The following TAS1R2 variants were observed in gnomAD, a reference collection of about 807,000 sequenced individuals.
The protein encoded by TAS1R2 is taste 1 receptor member 2.
A neutral mutation model predicts 49.3 loss-of-function variants in TAS1R2; 47 were observed. The observed-to-expected ratio is 0.95, with a 90% CI of 0.75 to 1.22. TAS1R2 has a LOEUF of 1.22. Ranked by LOEUF, TAS1R2 falls within the 50% of genes most tolerant of loss-of-function variation. The probability of loss-of-function intolerance (pLI) is 0.00; values close to 1 mark genes in which losing one functional copy is unlikely to be tolerated. For missense variants in TAS1R2, 1,155 were observed against 1,122.1 expected (o/e 1.03, Z -0.42); for synonymous variants, 479 against 467.9 (o/e 1.02, Z -0.31).
chr1:18,858,700 C>T (rs1440819930), intron 1 of TAS1R2, among the ~76,000 whole-genome samples: 1 of 152,174 alleles, frequency 6.6e-6, no homozygotes, highest in Non-Finnish European at 1.5e-5. Context: ...ACAACTATCA[C>T]CATCATTATA....
At chr1:18,848,232 G>T (rs965196315) in intron 4 of TAS1R2, among the ~76,000 whole-genome samples, 2 of 152,068 alleles carry the variant, frequency 1.3e-5, no homozygotes, top group African/African-American at 4.8e-5. Flanking sequence ...GCCTCAGACA[G>T]GTCACACAAC....
chr1:18,854,144 C>T lies in TAS1R2; in HGVS notation c.1257+69G>A. 6.8e-7 allele frequency: 1 copy of T among 1,474,998 alleles called. No individual in the cohort carries two copies. The highest frequency in any genetic ancestry group is 9.2e-7 in the Non-Finnish European group (1 of 1,082,084). The allele number at this position is 1,474,998 out of a possible 1,614,324, so 91.4% of individuals were successfully genotyped here. Reference sequence around the variant, plus strand: ...TGGGATACTCATGCCCTTTCACACCCATTTGCCCAGAACCCCAGGGGAGGA... The same window carrying T: ...TGGGATACTCATGCCCTTTCACACCTATTTGCCCAGAACCCCAGGGGAGGA... On this transcript the variant is annotated intron_variant, in intron 3 of 5. Transcript: ENST00000375371. This position sits in a 1 kb window ranked among gnomAD's most constrained non-coding sequence, Gnocchi z 4.9.
exon 2 of TAS1R2, chr1:18,857,453 G>T (rs752096284): frequency 2.5e-6 from 4 of 1,614,068 alleles, no homozygotes; most frequent in Middle Eastern, 3.3e-4. Context: ...ATGGGAAGGA[G>T]GTTGTCCTCG....
chr1:18,852,537 C>T (rs1433338242), intron 3 of TAS1R2, among the ~76,000 whole-genome samples: 2 of 152,236 alleles, frequency 1.3e-5, no homozygotes, highest in African/African-American at 4.8e-5. Flanking sequence ...TTGACTGCAT[C>T]ATCCCCAGCC....
In TAS1R2 at chr1:18,858,918, T is replaced by C. The variant is rs529212298; in HGVS notation, c.182+561A>G. ...CTCTCTGCAAGAGGTCACTCTTTTTTAGTCCCAGGCTGGCTCCATGTCCTT... is the reference window on the plus strand; with the variant it reads ...CTCTCTGCAAGAGGTCACTCTTTTTCAGTCCCAGGCTGGCTCCATGTCCTT... On this transcript the variant is annotated intron_variant, in intron 1 of 5. Coordinates refer to ENST00000375371, the Ensembl canonical transcript of TAS1R2. 2.5e-4 allele frequency among the ~76,000 whole-genome samples: 38 copies of C among 152,326 alleles called. 1 individual carries two copies. In the South Asian group the frequency reaches 6.4e-3, roughly 26 times the overall value.
chr1:18,852,361 A>G (rs138068895), intron 3 of TAS1R2, among the ~76,000 whole-genome samples: 1 of 152,302 alleles, frequency 6.6e-6, no homozygotes, highest in Non-Finnish European at 1.5e-5. Flanking sequence ...TCAGGCCACA[A>G]AGCCATGTGC....
chr1:18,841,222 A>G (rs1933817581), intron 5 of TAS1R2, among the ~76,000 whole-genome samples: 1 of 152,250 alleles, frequency 6.6e-6, no homozygotes, highest in Non-Finnish European at 1.5e-5. Flanking sequence ...TTTATGTTCT[A>G]TAGGGAGAAA....
chr1:18,845,002 A>G (rs1336086693), intron 4 of TAS1R2, among the ~76,000 whole-genome samples: 1 of 152,230 alleles, frequency 6.6e-6, no homozygotes, highest in Non-Finnish European at 1.5e-5. Context: ...ACAATTCTTC[A>G]AAAAGACCAG....
intron 2 of TAS1R2, 55 bp from the exon 3 acceptor site, chr1:18,855,041 C>T (rs947897459): frequency 1.7e-5 from 27 of 1,562,448 alleles, no homozygotes; most frequent in Non-Finnish European, 2.3e-5. Context: ...GCTCTGCCCC[C>T]ACCCCAGGGC....
At chr1:18,856,782 T>G (rs949653610) in intron 2 of TAS1R2, among the ~76,000 whole-genome samples, 1 of 152,198 alleles carries the variant, frequency 6.6e-6, no homozygotes, top group Non-Finnish European at 1.5e-5. Context: ...GTACCAGTAC[T>G]GCACTTGGCA....
At chr1:18,847,964 A>G (rs1933952715) in intron 4 of TAS1R2, among the ~76,000 whole-genome samples, 1 of 152,312 alleles carries the variant, frequency 6.6e-6, no homozygotes, top group Middle Eastern at 3.4e-3. Flanking sequence ...CCCATTTTTA[A>G]AACCTTCAGA....
At chr1:18,840,098 C>G (rs112938926) in exon 6 of TAS1R2, 2 of 1,614,094 alleles carry the variant, frequency 1.2e-6, no homozygotes, top group Non-Finnish European at 1.7e-6. Context: ...CCCCTGGTAG[C>G]GGACCCAGTA....
intron 1 of TAS1R2, chr1:18,858,521 C>T (rs1487988029): frequency 6.6e-6 from 1 of 152,446 alleles, no homozygotes; most frequent in African/African-American, 2.4e-5. Context: ...CTACCAGCAC[C>T]ATCACTGCCA....
chr1:18,853,208 G>A (rs1368186064), intron 3 of TAS1R2, among the ~76,000 whole-genome samples: 1 of 152,168 alleles, frequency 6.6e-6, no homozygotes, highest in African/African-American at 2.4e-5. Flanking sequence ...TATCCTCACA[G>A]GAGGGTCATG....
Position 18,854,202 on chromosome 1 carries a change from C to T in TAS1R2, c.1257+11G>A. 6.2e-7 allele frequency: 1 copy of T among 1,609,800 alleles called. No homozygotes were observed. Among genetic ancestry groups the T allele is most frequent in the Non-Finnish European group, 8.5e-7 (1 of 1,176,930 alleles). On this transcript the variant is annotated intron_variant, in intron 3 of 5. Transcript: ENST00000375371. This position sits in a 1 kb window ranked among gnomAD's most constrained non-coding sequence, Gnocchi z 4.9. ...GGTGCCCTGCAGACTCTATGGCAGCCACCCCCTCACCTGCCAGGGGTAGAC... is the reference window on the plus strand; with the variant it reads ...GGTGCCCTGCAGACTCTATGGCAGCTACCCCCTCACCTGCCAGGGGTAGAC...
intron 4 of TAS1R2, among the ~76,000 whole-genome samples, chr1:18,845,599 C>CTCAT (rs751549213): frequency 1.3e-5 from 2 of 152,222 alleles, no homozygotes; most frequent in Admixed American, 6.5e-5. Flanking sequence ...TTTTGGGTTC[C>CTCAT]TCATGCCAGT....
rs957935285 is a variant in TAS1R2, at chr1:18,854,424, G to A, written c.1046C>T (p.Pro349Leu). 1 of 1,614,050 alleles carries A rather than the reference G, an allele frequency of 6.2e-7. No individual in the cohort carries two copies. Among genetic ancestry groups the A allele is most frequent in the Non-Finnish European group, 8.5e-7 (1 of 1,180,006 alleles). ...ATAGCTCTGGCTGGTCCTGCTGAGG[G>A]GTGGCGGCCCAGCCTGTGGGCCCCA... The change falls in exon 3 of 6, where the codon CCC (proline) becomes CTC (leucine). Residue 349 changes from proline to leucine, a missense_variant. Pro to Leu is a moderately conservative substitution (Grantham distance 98). Transcript: ENST00000375371. The surrounding 1 kb of genome is among the most constrained non-coding windows in gnomAD (Gnocchi z 4.9).
intron 3 of TAS1R2, among the ~76,000 whole-genome samples, chr1:18,850,244 G>A (rs6603924): frequency 0.19 from 28,695 of 152,218 alleles, 3,233 homozygotes; most frequent in East Asian, 0.44. Flanking sequence ...GTGACTCTGA[G>A]CAAGTTTCTG....
exon 6 of TAS1R2, chr1:18,839,745 C>T: frequency 3.1e-6 from 5 of 1,614,186 alleles, no homozygotes; most frequent in Non-Finnish European, 4.2e-6. Flanking sequence ...ACCAAGAGGT[C>T]CACGATGGTG....
Sources: gnomAD v4.1 joint callset for allele counts (sites outside exome capture counted in the v4.1 genomes callset) on GRCh38, gnomAD v4.1.1 for gene constraint, Gnocchi (gnomAD v3.1) non-coding constraint, MANE v1.5 for transcripts, NCBI Gene and HGNC (gene_info 2026-07-23, HGNC 2026-07-21) for gene names.